The following BCL2L13 variants were observed in gnomAD, a reference collection of about 807,000 sequenced individuals.
BCL2L13 encodes the protein BCL2 like 13.
In BCL2L13, 13 loss-of-function variants were observed where a neutral mutation model predicts 25.8. The observed-to-expected ratio is 0.50, with a 90% confidence interval of 0.33 to 0.80. The LOEUF (loss-of-function observed/expected upper bound fraction) is 0.80. BCL2L13 is among the 30% of genes least tolerant of loss of function. The probability of loss-of-function intolerance (pLI) is 0.02; values close to 1 mark genes in which losing one functional copy is unlikely to be tolerated. For missense variants in BCL2L13, 504 were observed against 574.9 expected, an observed-to-expected ratio of 0.88 and a Z score of 1.26; for synonymous variants, 244 against 230.3, an observed-to-expected ratio of 1.06 and a Z score of -0.54.
At chr22:17,706,536 A>C (rs911181357) in intron 6 of BCL2L13, 4 of 313,826 alleles carry the variant, frequency 1.3e-5, no homozygotes, top group Non-Finnish European at 1.4e-5. Context: ...ATGATGTGAA[A>C]GTGTTTTGTG....
intron 1 of BCL2L13, among the ~76,000 whole-genome samples, chr22:17,641,860 T>C (rs1012869270): frequency 1.2e-4 from 17 of 145,872 alleles, no homozygotes; most frequent in African/African-American, 4.1e-4. Context: ...AGTGCAGTGG[T>C]GCCATCTCGA....
chr22:17,664,547 G>T (rs1419878569), intron 2 of BCL2L13, among the ~76,000 whole-genome samples: 1 of 152,180 alleles, frequency 6.6e-6, no homozygotes, highest in Non-Finnish European at 1.5e-5. Flanking sequence ...GCTCCACTAG[G>T]CAGTGCCTCA....
chr22:17,694,037 C>T (rs1373169924), intron 4 of BCL2L13, among the ~76,000 whole-genome samples: 3 of 152,060 alleles, frequency 2.0e-5, no homozygotes, highest in Non-Finnish European at 2.9e-5. Context: ...GGATTACAGG[C>T]GTGAGCCACT....
chr22:17,730,326 C>T lies in BCL2L13; in HGVS notation c.*2792C>T, dbSNP rs2061379240. On this transcript the variant is annotated 3_prime_UTR_variant, in exon 7 of 7. Transcript: ENST00000317582. ...TGTTGACCTTCTGGTTCACCCATCTCCCCCTCGAGGCATTCTTGATACCCC... is the reference window on the plus strand; with the variant it reads ...TGTTGACCTTCTGGTTCACCCATCTTCCCCTCGAGGCATTCTTGATACCCC... The T allele has an allele frequency of 6.6e-6, 1 of 152,156 alleles. No homozygotes were observed. The highest frequency in any genetic ancestry group is 2.4e-5 in the African/African-American group (1 of 41,428). 9.4% of individuals were successfully genotyped at this position (152,156 alleles called of 1,614,324 possible). A position where few individuals can be genotyped will look rare whatever the true frequency, so the allele number is the denominator to read the frequency against.
At chr22:17,696,598 T>C (rs2060272122) in intron 5 of BCL2L13, among the ~76,000 whole-genome samples, 1 of 152,242 alleles carries the variant, frequency 6.6e-6, no homozygotes, top group Admixed American at 6.5e-5. Flanking sequence ...ATACCATTTA[T>C]GTTTTATAAC....
chr22:17,719,420 G>A (rs915552038), intron 6 of BCL2L13, among the ~76,000 whole-genome samples: 3 of 152,054 alleles, frequency 2.0e-5, no homozygotes, highest in East Asian at 3.8e-4. Context: ...TTTTACTCCT[G>A]CTGTATTCAA....
chr22:17,677,691 G>C (rs1474016712), intron 2 of BCL2L13, among the ~76,000 whole-genome samples: 1 of 152,148 alleles, frequency 6.6e-6, no homozygotes, highest in Non-Finnish European at 1.5e-5. Flanking sequence ...GGCCAACATG[G>C]TGAAACCCTG....
intron 1 of BCL2L13, among the ~76,000 whole-genome samples, chr22:17,631,252 A>G (rs2058007919): frequency 6.6e-6 from 1 of 151,424 alleles, no homozygotes; most frequent in African/African-American, 2.4e-5. Context: ...GCCCGCCACC[A>G]CGCCCCGCTA....
chr22:17,665,252 C>T (rs554055851), intron 2 of BCL2L13, among the ~76,000 whole-genome samples: 67 of 152,302 alleles, frequency 4.4e-4, no homozygotes, highest in African/African-American at 1.6e-3. Flanking sequence ...TAAAACATAG[C>T]AAGAGTCACC....
chr22:17,705,851 G>A (rs2060574876), intron 6 of BCL2L13, among the ~76,000 whole-genome samples: 1 of 152,124 alleles, frequency 6.6e-6, no homozygotes. Flanking sequence ...TACCTCTCAA[G>A]GTGCAGCTAC....
chr22:17,667,204 C>T (rs190014808), intron 2 of BCL2L13, among the ~76,000 whole-genome samples: 3 of 152,204 alleles, frequency 2.0e-5, no homozygotes, highest in Admixed American at 2.0e-4. Flanking sequence ...AGTTTCCCCC[C>T]CAACCCCACC....
chr22:17,638,538 C>G (rs932909362), upstream of BCL2L13: 7 of 560,546 alleles, frequency 1.2e-5, no homozygotes, highest in Non-Finnish European at 1.9e-5. Flanking sequence ...AGAATCCCAA[C>G]CCCTCGACTC....
At chr22:17,689,969 A>G (rs2060058360) in intron 4 of BCL2L13, among the ~76,000 whole-genome samples, 1 of 152,118 alleles carries the variant, frequency 6.6e-6, no homozygotes. Flanking sequence ...TCTCCTAGCT[A>G]TGGTTCTGAC....
chr22:17,716,034 C>G (rs2060936917), intron 6 of BCL2L13, among the ~76,000 whole-genome samples: 1 of 152,174 alleles, frequency 6.6e-6, no homozygotes, highest in Admixed American at 6.5e-5. Flanking sequence ...AAGTTTAAAG[C>G]ATGTTTTCTC....
chr22:17,723,924 T>C (rs2061221646), intron 6 of BCL2L13, among the ~76,000 whole-genome samples: 2 of 143,854 alleles, frequency 1.4e-5, no homozygotes, highest in African/African-American at 2.6e-5. Context: ...AGAGTGAGAC[T>C]CCGTCTCAAA....
chr22:17,717,662 T>C (rs1039183833), intron 6 of BCL2L13, among the ~76,000 whole-genome samples: 16 of 152,194 alleles, frequency 1.1e-4, no homozygotes, highest in Non-Finnish European at 1.8e-4. Flanking sequence ...GCACAGTTCC[T>C]GATAAGAAGA....
intron 4 of BCL2L13, among the ~76,000 whole-genome samples, chr22:17,690,789 G>A (rs942331471): frequency 4.6e-5 from 7 of 152,142 alleles, no homozygotes; most frequent in East Asian, 1.9e-4. Flanking sequence ...TAAAAAAGTC[G>A]TATTTGGATT....
chr22:17,706,223 T>C (rs5747336), intron 6 of BCL2L13, among the ~76,000 whole-genome samples: 70,036 of 151,938 alleles, frequency 0.46, 17,043 homozygotes, highest in East Asian at 0.81. Context: ...TTGCCCAAGC[T>C]GGTCTCAAAC....
At chr22:17,672,758 T>G (rs753768274) in intron 2 of BCL2L13, among the ~76,000 whole-genome samples, 8 of 152,212 alleles carry the variant, frequency 5.3e-5, no homozygotes, top group African/African-American at 7.2e-5. Flanking sequence ...CTCAAGAGAA[T>G]AAGCTCTCCT....
Sources: gnomAD v4.1 joint callset for allele counts (sites outside exome capture counted in the v4.1 genomes callset) on GRCh38, gnomAD v4.1.1 for gene constraint, MANE v1.5 for transcripts, NCBI Gene and HGNC (gene_info 2026-07-23, HGNC 2026-07-21) for gene names.